Variants in PRPF6 observed in about 807,000 individuals in gnomAD.
PRPF6 encodes pre-mRNA-processing factor 6.
In PRPF6, 42 loss-of-function variants were observed where a neutral mutation model predicts 118.3. That is an observed-to-expected ratio of 0.35 (90% CI 0.28 to 0.46). The LOEUF is 0.46. Among genes scored for constraint, PRPF6 ranks in the 20% least tolerant of loss-of-function variants. The probability of loss-of-function intolerance (pLI) is 1.00; values close to 1 mark genes in which losing one functional copy is unlikely to be tolerated. For synonymous variants in PRPF6, 481 were observed against 485.1 expected (o/e 0.99, Z 0.11); for missense variants, 662 against 1,255.7 (o/e 0.53, Z 7.15).
chr20:64,002,014 GTTTTT>G (rs386394238), intron 9 of PRPF6, among the ~76,000 whole-genome samples: 1 of 83,266 alleles, frequency 1.2e-5, no homozygotes, highest in African/African-American at 4.7e-5. Context: ...TTTTTTTCTG[GTTTTT>G]TTTTTTTTTT....
Position 64,027,838 on chromosome 20 carries a change from C to G in PRPF6, c.2339+102C>G. The G allele has an allele frequency of 1.3e-6, 2 of 1,536,280 alleles. No individual in the cohort carries two copies. The highest frequency in any genetic ancestry group is 1.8e-6 in the Non-Finnish European group (2 of 1,113,348). ...TGTGGAGTCACTCGTGCAGTGCTTC[C>G]AGGCTCAGGGGCTTGGGGGGCGGTA... On this transcript the variant is annotated intron_variant, in intron 17 of 20. Transcript: ENST00000266079. The surrounding 1 kb of genome is among the most constrained non-coding windows in gnomAD (Gnocchi z 6.5).
rs755367167 is a variant in PRPF6, at chr20:64,032,939, G to T, written c.2772G>T (p.Lys924Asn). Residue 924 changes from lysine to asparagine, a missense_variant, in exon 21 of 21, where the codon AAG becomes AAT. Coordinates refer to ENST00000266079, the MANE Select transcript of PRPF6 (RefSeq NM_012469.4). ...CCAAGGACATCGCCAACTGGCAGAA[G>T]AAGATCGGGGACATCCTTAGGCTGG... ...AVSKDIANWQ[K>N]KIGDILRLVA... 5.6e-6 allele frequency: 9 copies of T among 1,613,380 alleles called. No homozygotes were observed. The Admixed American group carries it at 6.7e-5, about 12-fold the overall frequency.
intron 12 of PRPF6, among the ~76,000 whole-genome samples, chr20:64,018,169 C>T (rs1196793847): frequency 6.6e-6 from 1 of 152,168 alleles, no homozygotes; most frequent in East Asian, 1.9e-4. Context: ...GCACTTCAGC[C>T]TGAGTGACAG....
chr20:64,009,051 G>A (rs1437144684), intron 9 of PRPF6, among the ~76,000 whole-genome samples: 2 of 152,074 alleles, frequency 1.3e-5, no homozygotes, highest in Admixed American at 1.3e-4. Flanking sequence ...TCGGGAGGCC[G>A]AGGCGGGCGG....
chr20:64,026,053 G>T lies in PRPF6; in HGVS notation c.2023G>T (p.Ala675Ser), dbSNP rs1339967897. The T allele has an allele frequency of 6.2e-7, 1 of 1,604,308 alleles. No individual in the cohort carries two copies. The highest frequency in any genetic ancestry group is 8.5e-7 in the Non-Finnish European group (1 of 1,179,686). The change falls in exon 15 of 21, where the codon GCC becomes TCC. Residue 675 changes from alanine (A) to serine (S), a missense_variant. By Grantham distance (99) the Ala-to-Ser change is moderately conservative. Coordinates refer to ENST00000266079, the MANE Select transcript of PRPF6 (RefSeq NM_012469.4). The surrounding 1 kb of genome is among the most constrained non-coding windows in gnomAD (Gnocchi z 4.4). ...LAKARSSAPT[A>S]RVFMKSVKLE... ...CAAGGCGCGGAGCAGTGCCCCCACC[G>T]CCCGGGTACGCAGTGGCAGGCAGGG... is the stretch of plus-strand genomic sequence containing the variant.
At chr20:64,006,377 C>T (rs889415870) in intron 9 of PRPF6, among the ~76,000 whole-genome samples, 6 of 148,196 alleles carry the variant, frequency 4.0e-5, no homozygotes, top group East Asian at 2.0e-4. Flanking sequence ...AGTGCAGTGG[C>T]GCAATCTCGG....
chr20:64,027,273 A>G lies in PRPF6; in HGVS notation c.2205+115A>G. The G allele has an allele frequency of 7.4e-7, 1 of 1,360,150 alleles. No homozygotes were observed. The highest frequency in any genetic ancestry group is 1.0e-6 in the Non-Finnish European group (1 of 975,804). The allele number at this position is 1,360,150 out of a possible 1,614,324, so 84.3% of individuals were successfully genotyped here. A position where few individuals can be genotyped will look rare whatever the true frequency, so the allele number is the denominator to read the frequency against. ...GAGGAGATGTGGAGGGCTGGGGGTT[A>G]CAGCTGATGGAGCTGCAGACTCAGG... On this transcript the variant is annotated intron_variant, in intron 16 of 20. Coordinates refer to ENST00000266079, the MANE Select transcript of PRPF6 (RefSeq NM_012469.4). This position sits in a 1 kb window ranked among gnomAD's most constrained non-coding sequence, Gnocchi z 6.5.
rs201213073 is a variant in PRPF6, at chr20:64,001,092, C to T, written c.1039C>T (p.Leu347=). ...TGCCTCACAGAGTGAAGATGTCTGG[C>T]TGGAAGCAGCCAGGTTGCAGCCTGG... The part of the protein sequence containing the change: ...EMCPKSEDVW[L]EAARLQPGDT... The change falls in exon 9 of 21, where the codon CTG becomes TTG. Residue 347 remains leucine (L), a synonymous_variant. Transcript: ENST00000266079. The T allele has an allele frequency of 9.5e-5, 154 of 1,614,122 alleles. 1 individual carries two copies. The Admixed American group carries it at 1.2e-3, about 13-fold the overall frequency.
intron 2 of PRPF6, among the ~76,000 whole-genome samples, chr20:63,984,660 G>T (rs1165686432): frequency 6.6e-6 from 1 of 152,126 alleles, no homozygotes; most frequent in East Asian, 1.9e-4. Context: ...CTTAGGCTTA[G>T]TCCAGGATCC....
chr20:63,994,727 T>C (rs1377922417), intron 4 of PRPF6, among the ~76,000 whole-genome samples, 189 bp from the exon 5 acceptor site: 1 of 152,136 alleles, frequency 6.6e-6, no homozygotes, highest in African/African-American at 2.4e-5. Flanking sequence ...GCTGTGATTG[T>C]GCCACTGAAT....
chr20:64,010,768 T>C (rs2123052205), intron 10 of PRPF6, among the ~76,000 whole-genome samples: 1 of 152,356 alleles, frequency 6.6e-6, no homozygotes, highest in East Asian at 1.9e-4. Flanking sequence ...CAGTGATTTT[T>C]AGTCTTGGTT....
At chr20:63,997,541 C>A (rs1288093562) in intron 6 of PRPF6, among the ~76,000 whole-genome samples, 1 of 151,364 alleles carries the variant, frequency 6.6e-6, no homozygotes, top group South Asian at 2.1e-4. Flanking sequence ...ACTGCAACCT[C>A]CACCTCCTGG....
intron 12 of PRPF6, 143 bp from the exon 13 acceptor site, chr20:64,022,614 G>A: frequency 2.3e-6 from 3 of 1,311,430 alleles, no homozygotes. Context: ...GGCCTGGATT[G>A]TGGTTCTAAT....
At chr20:63,998,047 G>A (rs1009961269) in intron 6 of PRPF6, among the ~76,000 whole-genome samples, 1 of 152,128 alleles carries the variant, frequency 6.6e-6, no homozygotes, top group African/African-American at 2.4e-5. Context: ...CGGGTGTACA[G>A]ATATTTGTCA....
intron 11 of PRPF6, among the ~76,000 whole-genome samples, chr20:64,013,924 C>A (rs1044368754): frequency 5.3e-5 from 8 of 151,918 alleles, no homozygotes; most frequent in African/African-American, 1.9e-4. Context: ...ACCTCTGTAG[C>A]CTTTTGTTTT....
At chr20:63,988,474 G>A (rs965902143) in intron 3 of PRPF6, among the ~76,000 whole-genome samples, 6 of 152,054 alleles carry the variant, frequency 3.9e-5, no homozygotes, top group African/African-American at 1.2e-4. Context: ...TCCAGCCTGG[G>A]TAACAGAGTG....
intron 2 of PRPF6, among the ~76,000 whole-genome samples, 187 bp from the exon 3 acceptor site, chr20:63,984,720 C>T (rs1354011288): frequency 6.6e-6 from 1 of 152,182 alleles, no homozygotes; most frequent in Non-Finnish European, 1.5e-5. Flanking sequence ...TGGGGGTCTC[C>T]TCTGTCTTCC....
At chr20:63,993,052 C>G (rs2059125305) in intron 3 of PRPF6, among the ~76,000 whole-genome samples, 1 of 151,578 alleles carries the variant, frequency 6.6e-6, no homozygotes, top group African/African-American at 2.4e-5. Context: ...CCCGTCTCTA[C>G]TAAAAACACA....
intron 19 of PRPF6, 137 bp from the exon 20 acceptor site, chr20:64,031,781 T>G: frequency 8.5e-7 from 1 of 1,183,266 alleles, no homozygotes; most frequent in South Asian, 1.2e-5. Flanking sequence ...GCCGAGGCCC[T>G]GATCCTCAGG....
Sources: gnomAD v4.1 joint callset for allele counts (sites outside exome capture counted in the v4.1 genomes callset) on GRCh38, gnomAD v4.1.1 for gene constraint, Gnocchi (gnomAD v3.1) non-coding constraint, MANE v1.5 for transcripts, NCBI Gene and HGNC (gene_info 2026-07-23, HGNC 2026-07-21) for gene names.